Variants in FXYD6 observed in about 807,000 individuals in gnomAD.
FXYD6 encodes FXYD domain-containing ion transport regulator 6.
FXYD6 carries 7 observed loss-of-function variants against 16.7 expected under a neutral mutation model. That is an observed-to-expected ratio of 0.42 (90% CI 0.24 to 0.79). The LOEUF (loss-of-function observed/expected upper bound fraction) is 0.79. Among genes scored for constraint, FXYD6 ranks in the 30% least tolerant of loss-of-function variants. The pLI is 0.28. For missense variants in FXYD6, 111 were observed against 116.2 expected, an observed-to-expected ratio of 0.95 and a Z score of 0.21; for synonymous variants, 49 against 43.0, an observed-to-expected ratio of 1.14 and a Z score of -0.54.
intron 1 of FXYD6, among the ~76,000 whole-genome samples, chr11:117,858,712 T>TA (rs2056819155): frequency 9.7e-6 from 1 of 103,054 alleles, no homozygotes; most frequent in Non-Finnish European, 2.2e-5. Flanking sequence ...TCTCTCTCTC[T>TA]CTCCTTCCTT....
At chr11:117,871,331 G>A (rs2057130844) in intron 1 of FXYD6, among the ~76,000 whole-genome samples, 1 of 152,166 alleles carries the variant, frequency 6.6e-6, no homozygotes, top group South Asian at 2.1e-4. Context: ...TCCTGGTGAT[G>A]AGGACTCTTC....
intron 1 of FXYD6, among the ~76,000 whole-genome samples, chr11:117,858,740 CCTT>C (rs2056828658): frequency 1.7e-5 from 2 of 118,096 alleles, no homozygotes; most frequent in African/African-American, 6.9e-5. Flanking sequence ...TTCCTTCCTT[CCTT>C]CCTTCCTTCC....
At chr11:117,865,038 C>A (rs1457138055) in intron 1 of FXYD6, among the ~76,000 whole-genome samples, 1 of 152,090 alleles carries the variant, frequency 6.6e-6, no homozygotes, top group Non-Finnish European at 1.5e-5. Flanking sequence ...CAATTCAATT[C>A]AAAAATGAGC....
intron 1 of FXYD6, among the ~76,000 whole-genome samples, chr11:117,849,254 C>G (rs1239190424): frequency 6.6e-6 from 1 of 152,116 alleles, no homozygotes; most frequent in African/African-American, 2.4e-5. Flanking sequence ...TCTTGCTTTA[C>G]CTATGCATTA....
intron 1 of FXYD6, among the ~76,000 whole-genome samples, chr11:117,858,901 G>A (rs7121195): frequency 0.17 from 25,311 of 151,412 alleles, 2,231 homozygotes; most frequent in Middle Eastern, 0.24. Context: ...TCAGCCTCCC[G>A]AGTAGCTGGG....
intron 1 of FXYD6, chr11:117,843,871 GCAGGAGGCAGGGC>G (rs1323220771): frequency 6.6e-6 from 1 of 152,396 alleles, no homozygotes. Flanking sequence ...CCTGGTGGAA[GCAGGAGGCAGGGC>G]CAAGAGGTGG....
At chr11:117,841,333 TG>T in intron 4 of FXYD6, 149 bp from the exon 5 acceptor site, 3 of 961,908 alleles carry the variant, frequency 3.1e-6, no homozygotes, top group Non-Finnish European at 4.6e-6. Context: ...GGCCCTCGGA[TG>T]GGGTAGCTTC....
chr11:117,842,700 G>T lies in FXYD6; in HGVS notation c.58+19C>A. The T allele has an allele frequency of 6.4e-7, 1 of 1,557,938 alleles. No individual in the cohort carries two copies. On this transcript the variant is annotated intron_variant, in intron 2 of 7. Coordinates refer to ENST00000526014, the MANE Select transcript of FXYD6 (RefSeq NM_022003.4). ...AGGGTTGTCATCTTGTCACAGCCAGGTCCCAGAGGGGTACTTACCACTGGC... is the reference window on the plus strand; with the variant it reads ...AGGGTTGTCATCTTGTCACAGCCAGTTCCCAGAGGGGTACTTACCACTGGC...
chr11:117,838,967 GA>G (rs950981955), intron 7 of FXYD6: 98 of 153,174 alleles, frequency 6.4e-4, no homozygotes, highest in African/African-American at 1.2e-3. Flanking sequence ...TGTATGGGGG[GA>G]AAAAAAGGCA....
In FXYD6 at chr11:117,856,267, C is replaced by A. The variant is rs372423743; in HGVS notation, c.-5-13486G>T. Among the ~76,000 whole-genome samples, 64 of 152,278 alleles carry A rather than the reference C, an allele frequency of 4.2e-4. No homozygotes were observed. In the East Asian group the frequency reaches 8.5e-3, roughly 20 times the overall value. On this transcript the variant is annotated intron_variant, in intron 1 of 7. Transcript: ENST00000526014. ...ACATGCTCTATTATTTTTGATTCCACGCAGCAGTGAGGTAGATCAGAATAC... is the reference window on the plus strand; with the variant it reads ...ACATGCTCTATTATTTTTGATTCCAAGCAGCAGTGAGGTAGATCAGAATAC...
chr11:117,851,214 A>T (rs2056603566), intron 1 of FXYD6, among the ~76,000 whole-genome samples: 1 of 152,198 alleles, frequency 6.6e-6, no homozygotes, highest in Admixed American at 6.5e-5. Flanking sequence ...TGACCAGGAA[A>T]ATATGGCAGA....
intron 1 of FXYD6, among the ~76,000 whole-genome samples, chr11:117,847,710 C>T (rs1175472868): frequency 1.3e-5 from 2 of 152,252 alleles, no homozygotes; most frequent in South Asian, 2.1e-4. Context: ...TTTTTTATGG[C>T]TGCATAGTAT....
intron 1 of FXYD6, among the ~76,000 whole-genome samples, chr11:117,871,176 G>A (rs1253036330): frequency 6.6e-6 from 1 of 152,078 alleles, no homozygotes; most frequent in African/African-American, 2.4e-5. Flanking sequence ...CCTCAGATGG[G>A]GTCAAATTCT....
intron 1 of FXYD6, among the ~76,000 whole-genome samples, chr11:117,869,691 G>A (rs2057093870): frequency 6.6e-6 from 1 of 151,488 alleles, no homozygotes; most frequent in East Asian, 1.9e-4. Flanking sequence ...AGAAGAAGAA[G>A]AGAGAGAGAC....
intron 6 of FXYD6, 125 bp from the exon 7 acceptor site, chr11:117,839,955 G>T: frequency 7.9e-7 from 1 of 1,260,450 alleles, no homozygotes; most frequent in Non-Finnish European, 1.1e-6. Context: ...GGGATTTCGA[G>T]TCAGAACGAT....
At chr11:117,867,394 C>T (rs890994093) in intron 1 of FXYD6, among the ~76,000 whole-genome samples, 5 of 152,196 alleles carry the variant, frequency 3.3e-5, no homozygotes, top group African/African-American at 1.2e-4. Flanking sequence ...CTCGCACTTG[C>T]AGTATCTCTC....
intron 1 of FXYD6, among the ~76,000 whole-genome samples, chr11:117,867,141 T>A (rs1036282807): frequency 2.0e-5 from 3 of 152,244 alleles, no homozygotes; most frequent in Non-Finnish European, 2.9e-5. Context: ...AGCGTACTTT[T>A]GGAACAAGGT....
rs2057155834 is a variant in FXYD6, at chr11:117,872,292, G to A, written c.-6+4300C>T. Among the ~76,000 whole-genome samples, 2 of 152,170 alleles carry A rather than the reference G, an allele frequency of 1.3e-5. No individual in the cohort carries two copies. The highest frequency in any genetic ancestry group is 2.4e-5 in the African/African-American group (1 of 41,428). The stretch of plus-strand genomic sequence containing the variant: ...GAAGGGAACGTGTGTGAGAGTGTAA[G>A]TGCACCCGTGATTGCATGGAGGGGC... On this transcript the variant is annotated intron_variant, in intron 1 of 7. Transcript: ENST00000526014. The surrounding 1 kb of genome is among the most constrained non-coding windows in gnomAD (Gnocchi z 4.9).
intron 1 of FXYD6, among the ~76,000 whole-genome samples, chr11:117,849,033 G>C (rs2056543535): frequency 6.6e-6 from 1 of 151,852 alleles, no homozygotes; most frequent in African/African-American, 2.4e-5. Flanking sequence ...TGTTATGTTG[G>C]ATACCTAGTT....
Sources: gnomAD v4.1 joint callset for allele counts (sites outside exome capture counted in the v4.1 genomes callset) on GRCh38, gnomAD v4.1.1 for gene constraint, Gnocchi (gnomAD v3.1) non-coding constraint, MANE v1.5 for transcripts, NCBI Gene and HGNC (gene_info 2026-07-23, HGNC 2026-07-21) for gene names.